NHSL2: variants seen among roughly 807,000 people sequenced by gnomAD.
NHSL2 encodes the protein NHS like 2, also known as NHS-like protein 2.
A neutral mutation model predicts 53.4 loss-of-function variants in NHSL2; 27 were observed. The ratio of observed to expected loss-of-function variants is 0.51; its 90% CI spans 0.37 to 0.70. The LOEUF (loss-of-function observed/expected upper bound fraction) is 0.70, where lower values mean the gene tolerates loss of function less well. NHSL2 is among the 30% of genes least tolerant of loss of function. NHSL2 has a pLI of 0.00. For missense variants in NHSL2, 892 were observed against 980.1 expected (o/e 0.91, Z 1.20); for synonymous variants, 408 against 404.1 (o/e 1.01, Z -0.12).
chrX:72,140,480 G>A lies in NHSL2; in HGVS notation c.2932G>A (p.Val978Met), dbSNP rs749777592. Residue 978 changes from valine to methionine, a missense_variant, in exon 6 of 8, where the codon GTG becomes ATG. Transcript: ENST00000633930. ...QGSVEDEGPK[V>M]RVLPERISLQ... ...AAGTGTAGAGGACGAGGGCCCCAAG[G>A]TGAGGGTTCTGCCTGAAAGAATTAG... The A allele has an allele frequency of 7.4e-6, 9 of 1,208,296 alleles. No homozygotes were observed. The highest frequency in any genetic ancestry group is 4.4e-5 in the Admixed American group (2 of 45,671).
At chrX:72,083,137 A>G (rs757899688) in intron 1 of NHSL2, among the ~76,000 whole-genome samples, 1 of 111,087 alleles carries the variant, frequency 9.0e-6, no homozygotes, top group African/African-American at 3.3e-5. Context: ...CTCCAGCCCC[A>G]CCGTTGCTGG....
intron 1 of NHSL2, among the ~76,000 whole-genome samples, chrX:71,935,803 G>C (rs1353488987): frequency 8.9e-6 from 1 of 112,224 alleles, no homozygotes; most frequent in Non-Finnish European, 1.9e-5. Flanking sequence ...GTACAGCCAG[G>C]ACTGGGAAGC....
rs371043926 is a variant in NHSL2, at chrX:72,140,219, G to A, written c.2671G>A (p.Val891Ile). Residue 891 changes from valine to isoleucine, a missense_variant, in exon 6 of 8, where the codon GTT (valine) becomes ATT (isoleucine). Val to Ile is a conservative substitution (Grantham distance 29). Transcript: ENST00000633930. ...PPSLVHKPPS[V>I]PEEYALTSPT... is the part of the protein sequence containing the mutation. ...AAGCTTGGTCCACAAGCCACCATCT[G>A]TTCCTGAGGAGTATGCACTAACTTC... The A allele has an allele frequency of 2.8e-5, 34 of 1,208,448 alleles. No individual in the cohort carries two copies. The East Asian group carries it at 3.3e-4, about 12-fold the overall frequency.
intron 1 of NHSL2, among the ~76,000 whole-genome samples, chrX:71,920,814 G>GTT (rs5902696): frequency 1.8e-5 from 2 of 108,930 alleles, no homozygotes; most frequent in African/African-American, 6.8e-5. Context: ...TTTTGTTTTT[G>GTT]TTTTTTTTGA....
intron 1 of NHSL2, among the ~76,000 whole-genome samples, chrX:71,921,171 A>C (rs1020988105): frequency 9.2e-6 from 1 of 108,684 alleles, no homozygotes; most frequent in African/African-American, 3.3e-5. Context: ...TAATCCCAGC[A>C]CTTTGGGAGG....
intron 1 of NHSL2, among the ~76,000 whole-genome samples, chrX:72,049,354 C>T (rs753671357): frequency 8.9e-6 from 1 of 111,843 alleles, no homozygotes; most frequent in Admixed American, 9.4e-5. Flanking sequence ...CGCAAGCTCA[C>T]CCAAGTGAGT....
rs1030397246 is a variant in NHSL2 at position 72,151,875 on chromosome X, G to C, written c.*8301G>C. ...TACGATTTCCTAGGGAAATCACCAG[G>C]TTCCAAAGGCTGGTTTTTAAACCTA... On this transcript the variant is annotated 3_prime_UTR_variant, in exon 8 of 8. Coordinates refer to ENST00000633930, the MANE Select transcript of NHSL2 (RefSeq NM_001013627.3). 3.6e-5 allele frequency: 4 copies of C among 112,225 alleles called. No homozygotes were observed. The highest frequency in any genetic ancestry group is 5.6e-5 in the Non-Finnish European group (3 of 53,231). 9.2% of individuals were successfully genotyped at this position (112,225 alleles called of 1,213,427 possible).
chrX:72,095,093 A>G (rs1056986785), intron 1 of NHSL2, among the ~76,000 whole-genome samples: 2 of 112,003 alleles, frequency 1.8e-5, no homozygotes, highest in African/African-American at 3.2e-5. Context: ...CCCTGTTGCC[A>G]TGGCCCCTGT....
chrX:71,951,634 T>C (rs1440154585), intron 1 of NHSL2, among the ~76,000 whole-genome samples: 1 of 112,679 alleles, frequency 8.9e-6, no homozygotes, highest in Non-Finnish European at 1.9e-5. Context: ...CCTCTTTTCA[T>C]GTGGCAGGCA....
chrX:71,999,544 G>A (rs1439774456), intron 1 of NHSL2, among the ~76,000 whole-genome samples: 1 of 111,874 alleles, frequency 8.9e-6, no homozygotes, highest in Admixed American at 9.5e-5. Context: ...CAAAATAAAT[G>A]ACCAACTAAA....
Position 72,146,879 on chromosome X carries a change from G to C in NHSL2, c.*3305G>C, listed in dbSNP as rs2042468413. The C allele has an allele frequency of 9.0e-6, 1 of 111,427 alleles. No individual in the cohort carries two copies. The highest frequency in any genetic ancestry group is 3.3e-5 in the African/African-American group (1 of 30,561). 9.2% of individuals were successfully genotyped at this position (111,427 alleles called of 1,213,427 possible). Reference sequence around the variant, plus strand: ...CTTATCCCTCAGCCCCAAATCCCATGAACTGCATCCCTAGCACAACAACTC... The same window carrying C: ...CTTATCCCTCAGCCCCAAATCCCATCAACTGCATCCCTAGCACAACAACTC... On this transcript the variant is annotated 3_prime_UTR_variant, in exon 8 of 8. Transcript: ENST00000633930.
intron 1 of NHSL2, among the ~76,000 whole-genome samples, chrX:72,014,365 G>A (rs1197774196): frequency 1.8e-5 from 2 of 111,237 alleles, no homozygotes; most frequent in African/African-American, 6.5e-5. Context: ...AGTTACTTGA[G>A]GTAGGAACTT....
chrX:72,121,148 C>T (rs746609114), intron 1 of NHSL2, among the ~76,000 whole-genome samples: 22 of 112,111 alleles, frequency 2.0e-4, no homozygotes, highest in Non-Finnish European at 3.2e-4. Context: ...GACTGTGCTT[C>T]TCTATTTGGC....
chrX:72,140,867 T>A, intron 6 of NHSL2, 96 bp downstream of exon 6: 1 of 741,262 alleles, frequency 1.3e-6, no homozygotes, highest in Non-Finnish European at 1.9e-6. Flanking sequence ...CCAGAATAAT[T>A]ATCCTGATCC....
intron 1 of NHSL2, among the ~76,000 whole-genome samples, chrX:72,028,374 A>G (rs2042197181): frequency 8.9e-6 from 1 of 112,514 alleles, no homozygotes; most frequent in Non-Finnish European, 1.9e-5. Flanking sequence ...GGAGAGCTCG[A>G]GATTTCTGTG....
At chrX:71,970,992 A>G (rs2041922809) in intron 1 of NHSL2, among the ~76,000 whole-genome samples, 1 of 110,841 alleles carries the variant, frequency 9.0e-6, no homozygotes, top group Non-Finnish European at 1.9e-5. Flanking sequence ...TATATTGCCC[A>G]GCCTAGTCTC....
chrX:72,093,534 C>A (rs1178604475), intron 1 of NHSL2, among the ~76,000 whole-genome samples: 1 of 112,178 alleles, frequency 8.9e-6, no homozygotes, highest in Non-Finnish European at 1.9e-5. Flanking sequence ...TGAGAAAGGG[C>A]CTGCTTCCTT....
intron 1 of NHSL2, among the ~76,000 whole-genome samples, chrX:72,024,785 G>A (rs961182432): frequency 8.9e-6 from 1 of 112,102 alleles, no homozygotes; most frequent in African/African-American, 3.2e-5. Flanking sequence ...ATAGTCATTA[G>A]ACCCACTGCT....
intron 1 of NHSL2, among the ~76,000 whole-genome samples, chrX:72,065,253 G>C (rs2042421430): frequency 8.9e-6 from 1 of 111,740 alleles, no homozygotes; most frequent in Non-Finnish European, 1.9e-5. Flanking sequence ...TGAATGGGCA[G>C]ACACTAACTG....
Sources: gnomAD v4.1 joint callset for allele counts (sites outside exome capture counted in the v4.1 genomes callset) on GRCh38, gnomAD v4.1.1 for gene constraint, MANE v1.5 for transcripts, NCBI Gene and HGNC (gene_info 2026-07-23, HGNC 2026-07-21) for gene names.